FRMD6: variants seen among roughly 807,000 people sequenced by gnomAD.
FRMD6 encodes FERM domain-containing protein 6.
Under a neutral mutation model 73.2 loss-of-function variants are expected in FRMD6, and 37 were observed. The observed-to-expected ratio is 0.51, with a 90% CI of 0.39 to 0.66. FRMD6 has a LOEUF of 0.66. Among genes scored for constraint, FRMD6 ranks in the 30% least tolerant of loss-of-function variants. The pLI, the probability that FRMD6 is intolerant of heterozygous loss-of-function variation, is 0.00. For missense variants in FRMD6, 714 were observed against 780.5 expected, an observed-to-expected ratio of 0.91 and a Z score of 1.02; for synonymous variants, 273 against 282.2, an observed-to-expected ratio of 0.97 and a Z score of 0.33.
At chr14:51,645,254 G>C (rs116047703) in intron 2 of FRMD6, among the ~76,000 whole-genome samples, 1 of 152,100 alleles carries the variant, frequency 6.6e-6, no homozygotes, top group South Asian at 2.1e-4. Flanking sequence ...ATCTTATGTC[G>C]GGTGTTTCAA....
At chr14:51,467,019 G>A in the FRMD6 span, among the ~76,000 whole-genome samples, 2 of 151,972 alleles carry the variant, frequency 1.3e-5, no homozygotes, top group South Asian at 2.1e-4. Flanking sequence ...TCGTAGAGGG[G>A]GATTTGGCAG....
the FRMD6 span, among the ~76,000 whole-genome samples, chr14:51,419,136 G>A: frequency 6.6e-6 from 1 of 152,190 alleles, no homozygotes; most frequent in African/African-American, 2.4e-5. Flanking sequence ...TACGCTTCCT[G>A]TGTGAGGTGA....
chr14:51,537,064 C>T (rs2140355658), intron 1 of FRMD6, among the ~76,000 whole-genome samples: 1 of 152,266 alleles, frequency 6.6e-6, no homozygotes, highest in Admixed American at 6.5e-5. Context: ...TTAGAGTTCG[C>T]TCTTTATGTT....
intron 10 of FRMD6, among the ~76,000 whole-genome samples, chr14:51,716,168 G>A (rs766929362): frequency 6.6e-6 from 1 of 152,142 alleles, no homozygotes; most frequent in East Asian, 1.9e-4. Context: ...CTAAGGGTCT[G>A]TAACATCCGA....
intron 1 of FRMD6, among the ~76,000 whole-genome samples, chr14:51,498,758 C>G (rs919353850): frequency 6.6e-6 from 1 of 152,098 alleles, no homozygotes; most frequent in African/African-American, 2.4e-5. Context: ...ATCCACGTGA[C>G]GAAACCCGGC....
intron 2 of FRMD6, among the ~76,000 whole-genome samples, chr14:51,604,477 G>T (rs945458393): frequency 2.0e-5 from 3 of 152,110 alleles, no homozygotes; most frequent in African/African-American, 7.2e-5. Context: ...CAAGAAGGAA[G>T]ATTCTTACTA....
intron 10 of FRMD6, among the ~76,000 whole-genome samples, chr14:51,716,412 T>C (rs1198948401): frequency 6.6e-6 from 1 of 152,198 alleles, no homozygotes; most frequent in Non-Finnish European, 1.5e-5. Flanking sequence ...TTAGATTGGA[T>C]TTGGTGTATT....
intron 1 of FRMD6, among the ~76,000 whole-genome samples, chr14:51,553,059 G>A (rs1886930468): frequency 6.6e-6 from 1 of 152,206 alleles, no homozygotes; most frequent in South Asian, 2.1e-4. Context: ...AAGCAGATCA[G>A]AAAGAGATCT....
chr14:51,529,586 C>A (rs1266759477), intron 1 of FRMD6, among the ~76,000 whole-genome samples: 1 of 152,040 alleles, frequency 6.6e-6, no homozygotes. Flanking sequence ...ATCATTTCAC[C>A]CTAGTGGATC....
chr14:51,452,282 G>A, the FRMD6 span, among the ~76,000 whole-genome samples: 24 of 152,320 alleles, frequency 1.6e-4, no homozygotes, highest in East Asian at 4.4e-3. Context: ...AAGGTTCTAG[G>A]CCCAATGATG....
the FRMD6 span, among the ~76,000 whole-genome samples, chr14:51,457,147 C>A: frequency 5.9e-5 from 9 of 152,048 alleles, no homozygotes; most frequent in Non-Finnish European, 1.0e-4. Context: ...ATTCTCACCA[C>A]AAAGAAATAA....
At chr14:51,444,980 T>C in the FRMD6 span, among the ~76,000 whole-genome samples, 1 of 152,184 alleles carries the variant, frequency 6.6e-6, no homozygotes, top group Admixed American at 6.5e-5. Context: ...ACTATAATGA[T>C]CATTGAAATG....
At chr14:51,412,688 A>C in the FRMD6 span, among the ~76,000 whole-genome samples, 1 of 151,916 alleles carries the variant, frequency 6.6e-6, no homozygotes, top group Non-Finnish European at 1.5e-5. Context: ...CATCTCTAAT[A>C]AAAATACAAA....
chr14:51,481,174 A>T, the FRMD6 span, among the ~76,000 whole-genome samples: 1 of 152,230 alleles, frequency 6.6e-6, no homozygotes, highest in Non-Finnish European at 1.5e-5. Context: ...CTTAAAGGTA[A>T]GAGTGAAAAT....
intron 1 of FRMD6, among the ~76,000 whole-genome samples, chr14:51,554,507 G>A (rs1887019578): frequency 6.6e-6 from 1 of 152,210 alleles, no homozygotes; most frequent in Non-Finnish European, 1.5e-5. Context: ...CACCAGCACA[G>A]TGACAAGTCA....
rs1896005380 is a variant in FRMD6, at chr14:51,697,197, A to G, written c.100-945A>G. ...CAAAGGAGATGAAATCATTATGTCAAAGAGACATCTGCACTCCCATGTATA... is the reference window on the plus strand; with the variant it reads ...CAAAGGAGATGAAATCATTATGTCAGAGAGACATCTGCACTCCCATGTATA... On this transcript the variant is annotated intron_variant, in intron 2 of 13. Transcript: ENST00000344768. 2.6e-5 allele frequency among the ~76,000 whole-genome samples: 4 copies of G among 152,312 alleles called. No individual in the cohort carries two copies. In the South Asian group the frequency reaches 8.3e-4, roughly 32 times the overall value.
intron 2 of FRMD6, among the ~76,000 whole-genome samples, chr14:51,572,123 T>G (rs1017508472): frequency 2.1e-4 from 32 of 152,264 alleles, no homozygotes; most frequent in African/African-American, 2.4e-5. Flanking sequence ...TGATAAAATA[T>G]GGAAAAGCAT....
chr14:51,597,696 A>G (rs1056786421), intron 2 of FRMD6, among the ~76,000 whole-genome samples: 1 of 152,230 alleles, frequency 6.6e-6, no homozygotes, highest in Non-Finnish European at 1.5e-5. Context: ...AACTACTTAA[A>G]ACATTCCTTG....
intron 2 of FRMD6, among the ~76,000 whole-genome samples, chr14:51,646,267 G>A (rs1036892590): frequency 1.7e-4 from 24 of 140,166 alleles, no homozygotes; most frequent in Non-Finnish European, 3.5e-4. Flanking sequence ...GCAATGAGCC[G>A]AGATCGCGCC....
Sources: gnomAD v4.1 joint callset for allele counts (sites outside exome capture counted in the v4.1 genomes callset) on GRCh38, gnomAD v4.1.1 for gene constraint, MANE v1.5 for transcripts, NCBI Gene and HGNC (gene_info 2026-07-23, HGNC 2026-07-21) for gene names.